The following LINGO2 variants were observed in gnomAD, a reference collection of about 807,000 sequenced individuals.
LINGO2 encodes the protein leucine rich repeat and Ig domain containing 2, also known as leucine-rich repeat and immunoglobulin-like domain-containing nogo receptor-interacting protein 2.
LINGO2 carries 14 observed loss-of-function variants against 30.6 expected under a neutral mutation model. That is an observed-to-expected ratio of 0.46 (90% CI 0.30 to 0.72). The LOEUF is 0.72. Among genes scored for constraint, LINGO2 ranks in the 30% least tolerant of loss-of-function variants. LINGO2 has a pLI of 0.07. For missense variants in LINGO2, 729 were observed against 751.7 expected (o/e 0.97, Z 0.35); for synonymous variants, 317 against 288.5 (o/e 1.10, Z -1.00).
At chr9:28,471,823 G>T (rs1394525289) in intron 2 of LINGO2, among the ~76,000 whole-genome samples, 1 of 152,090 alleles carries the variant, frequency 6.6e-6, no homozygotes, top group African/African-American at 2.4e-5. Context: ...TCACACACAT[G>T]TCCCAAAAGA....
chr9:28,447,197 G>A (rs1196779171), intron 2 of LINGO2, among the ~76,000 whole-genome samples: 1 of 152,134 alleles, frequency 6.6e-6, no homozygotes, highest in African/African-American at 2.4e-5. Context: ...CAACTGTTAG[G>A]TCTGGACGTT....
intron 1 of LINGO2, among the ~76,000 whole-genome samples, chr9:28,494,107 G>T (rs1350899148): frequency 6.6e-6 from 1 of 152,092 alleles, no homozygotes. Flanking sequence ...TTATTAGATT[G>T]AGAATAAATA....
At chr9:28,546,354 G>A (rs1252210814) in intron 1 of LINGO2, among the ~76,000 whole-genome samples, 2 of 151,986 alleles carry the variant, frequency 1.3e-5, no homozygotes, top group African/African-American at 4.8e-5. Context: ...CAGCAATGTA[G>A]ACCAAATTAG....
chr9:28,978,094 C>A, the LINGO2 span, among the ~76,000 whole-genome samples: 1 of 152,090 alleles, frequency 6.6e-6, no homozygotes, highest in Non-Finnish European at 1.5e-5. Context: ...TAGACTATGG[C>A]AATGAAATCT....
At position 28,130,660 on chromosome 9, in the gene LINGO2, G is replaced by C. The variant is rs1563992022; in HGVS notation, c.-86-118255C>G. Among the ~76,000 whole-genome samples, 1 of 152,136 alleles carries C rather than the reference G, an allele frequency of 6.6e-6. No individual in the cohort carries two copies. The highest frequency in any genetic ancestry group is 1.9e-4 in the East Asian group (1 of 5,188). On this transcript the variant is annotated intron_variant, in intron 4 of 5. Transcript: ENST00000379992. The surrounding 1 kb of genome is among the most constrained non-coding windows in gnomAD (Gnocchi z 5.2). ...TTAATAAATATAATAATAGTGTCAT[G>C]GTATGGAAGCCAGAGGGTCAGAGAG...
chr9:28,632,468 C>T (rs1826991463), intron 1 of LINGO2, among the ~76,000 whole-genome samples: 1 of 150,856 alleles, frequency 6.6e-6, no homozygotes, highest in Non-Finnish European at 1.5e-5. Flanking sequence ...CGGGGGTTTT[C>T]AGGTGGATTA....
intron 5 of LINGO2, among the ~76,000 whole-genome samples, chr9:27,994,841 G>C (rs1563892408): frequency 6.6e-6 from 1 of 152,122 alleles, no homozygotes; most frequent in Non-Finnish European, 1.5e-5. Flanking sequence ...AGAACTCTCA[G>C]GGTGCTGCTG....
chr9:28,239,237 A>G (rs1821690381), intron 4 of LINGO2, among the ~76,000 whole-genome samples: 1 of 152,042 alleles, frequency 6.6e-6, no homozygotes, highest in Non-Finnish European at 1.5e-5. Context: ...AATACCACTC[A>G]GACTGTTCTG....
At chr9:28,817,768 T>C in the LINGO2 span, among the ~76,000 whole-genome samples, 1,303 of 152,244 alleles carry the variant, frequency 8.6e-3, 6 homozygotes, top group Non-Finnish European at 0.014. Context: ...GAGGGCAATG[T>C]ATTTTGGGGA....
chr9:29,037,240 A>G, the LINGO2 span, among the ~76,000 whole-genome samples: 1 of 151,894 alleles, frequency 6.6e-6, no homozygotes, highest in Non-Finnish European at 1.5e-5. Flanking sequence ...ACTCCTTAAT[A>G]TTATAATTTA....
At chr9:28,867,568 T>C in the LINGO2 span, among the ~76,000 whole-genome samples, 1 of 151,946 alleles carries the variant, frequency 6.6e-6, no homozygotes, top group Non-Finnish European at 1.5e-5. Context: ...CACAAAGTTA[T>C]TGGAATTTTA....
At chr9:28,738,053 C>T in the LINGO2 span, among the ~76,000 whole-genome samples, 13 of 152,280 alleles carry the variant, frequency 8.5e-5, no homozygotes, top group Admixed American at 5.2e-4. Flanking sequence ...CTTCTGCACT[C>T]GTCCCCTTCC....
intron 1 of LINGO2, among the ~76,000 whole-genome samples, chr9:28,621,760 A>AT (rs1040209749): frequency 6.6e-6 from 1 of 151,988 alleles, no homozygotes; most frequent in Non-Finnish European, 1.5e-5. Context: ...AGTAACAGGA[A>AT]TTTTTTTGTT....
the LINGO2 span, among the ~76,000 whole-genome samples, chr9:29,058,700 T>A: frequency 5.3e-5 from 8 of 150,644 alleles, no homozygotes; most frequent in African/African-American, 2.0e-4. Context: ...AAAAAGAAAA[T>A]TTTAGAAGCA....
intron 5 of LINGO2, among the ~76,000 whole-genome samples, chr9:28,011,644 T>C (rs1010627109): frequency 6.6e-6 from 1 of 152,146 alleles, no homozygotes; most frequent in East Asian, 1.9e-4. Flanking sequence ...AGTGATGGAA[T>C]TGTATTTGAT....
the LINGO2 span, among the ~76,000 whole-genome samples, chr9:29,151,476 A>G: frequency 1.3e-5 from 2 of 152,214 alleles, no homozygotes; most frequent in Non-Finnish European, 2.9e-5. Flanking sequence ...TAATAATACA[A>G]TACAAGACCC....
intron 1 of LINGO2, among the ~76,000 whole-genome samples, chr9:28,541,958 T>C (rs1251095401): frequency 6.6e-6 from 1 of 152,080 alleles, no homozygotes; most frequent in Non-Finnish European, 1.5e-5. Flanking sequence ...GCCTCCATAA[T>C]ATGACTGCAG....
intron 4 of LINGO2, among the ~76,000 whole-genome samples, chr9:28,265,357 A>G (rs1370519227): frequency 6.6e-6 from 1 of 151,944 alleles, no homozygotes; most frequent in Non-Finnish European, 1.5e-5. Flanking sequence ...TCTGGAAATT[A>G]TCTTCCTATA....
chr9:28,889,883 T>C, the LINGO2 span, among the ~76,000 whole-genome samples: 1 of 152,090 alleles, frequency 6.6e-6, no homozygotes, highest in Non-Finnish European at 1.5e-5. Flanking sequence ...TTTTCTGAAA[T>C]TTTAAGCTCT....
Sources: gnomAD v4.1 joint callset for allele counts (sites outside exome capture counted in the v4.1 genomes callset) on GRCh38, gnomAD v4.1.1 for gene constraint, Gnocchi (gnomAD v3.1) non-coding constraint, MANE v1.5 for transcripts, NCBI Gene and HGNC (gene_info 2026-07-23, HGNC 2026-07-21) for gene names.